The following RCAN2 variants were observed in gnomAD, a reference collection of about 807,000 sequenced individuals.
RCAN2 encodes regulator of calcineurin 2.
A neutral mutation model predicts 23.6 loss-of-function variants in RCAN2; 9 were observed. The observed-to-expected ratio is 0.38, with a 90% CI of 0.23 to 0.67. RCAN2 has a LOEUF of 0.67. Ranked by LOEUF, RCAN2 falls within the 30% of genes least tolerant of loss-of-function variation. RCAN2 has a pLI of 0.51. For synonymous variants in RCAN2, 109 were observed against 115.7 expected, an observed-to-expected ratio of 0.94 and a Z score of 0.37; for missense variants, 273 against 302.3, an observed-to-expected ratio of 0.90 and a Z score of 0.72.
chr6:46,394,223 G>A (rs1033105417), intron 2 of RCAN2, among the ~76,000 whole-genome samples: 1 of 152,184 alleles, frequency 6.6e-6, no homozygotes, highest in African/African-American at 2.4e-5. Flanking sequence ...TCCGTGACAG[G>A]TGGCAGAATT....
intron 2 of RCAN2, among the ~76,000 whole-genome samples, chr6:46,286,412 T>G (rs1762374534): frequency 6.6e-6 from 1 of 152,240 alleles, no homozygotes; most frequent in Admixed American, 6.5e-5. Context: ...CTATTATATA[T>G]CATGCATCTC....
intron 2 of RCAN2, among the ~76,000 whole-genome samples, chr6:46,452,399 G>C (rs1018354029): frequency 6.6e-6 from 1 of 152,168 alleles, no homozygotes; most frequent in Non-Finnish European, 1.5e-5. Flanking sequence ...TTTTCTTGTT[G>C]CATTACATGT....
At chr6:46,382,995 T>A (rs369555838) in intron 2 of RCAN2, among the ~76,000 whole-genome samples, 91 of 152,264 alleles carry the variant, frequency 6.0e-4, no homozygotes, top group African/African-American at 2.1e-3. Context: ...CTAAGTGCTG[T>A]GTGGGCAAAG....
intron 2 of RCAN2, among the ~76,000 whole-genome samples, chr6:46,359,071 T>G (rs1375673187): frequency 6.6e-6 from 1 of 152,224 alleles, no homozygotes; most frequent in African/African-American, 2.4e-5. Context: ...CTTCTGGGCC[T>G]CACCTGTGGA....
chr6:46,441,834 G>A (rs1767554220), intron 2 of RCAN2, among the ~76,000 whole-genome samples: 1 of 152,118 alleles, frequency 6.6e-6, no homozygotes, highest in Non-Finnish European at 1.5e-5. Context: ...AACACCATAA[G>A]CACAAAATTA....
intron 2 of RCAN2, among the ~76,000 whole-genome samples, chr6:46,426,740 C>A (rs1326193453): frequency 6.6e-6 from 1 of 152,096 alleles, no homozygotes; most frequent in Non-Finnish European, 1.5e-5. Context: ...GTAAACAGAT[C>A]AGGTGTTCAA....
chr6:46,422,766 C>G (rs1766919353), intron 2 of RCAN2, among the ~76,000 whole-genome samples: 1 of 152,112 alleles, frequency 6.6e-6, no homozygotes, highest in Admixed American at 6.6e-5. Context: ...TGCAGAAAAC[C>G]AAGTTCAGGC....
At chr6:46,325,691 A>G (rs900880845) in intron 2 of RCAN2, 1 of 1,364,008 alleles carries the variant, frequency 7.3e-7, no homozygotes, top group African/African-American at 1.5e-5. Context: ...CGGCTCGCTC[A>G]TGGCAATGAC....
intron 2 of RCAN2, among the ~76,000 whole-genome samples, chr6:46,366,644 A>C (rs1191949187): frequency 4.6e-5 from 7 of 151,854 alleles, no homozygotes; most frequent in African/African-American, 1.7e-4. Context: ...CTGGCTTCTC[A>C]TCCTCCATCA....
At chr6:46,393,199 T>C (rs1765983379) in intron 2 of RCAN2, among the ~76,000 whole-genome samples, 1 of 152,190 alleles carries the variant, frequency 6.6e-6, no homozygotes, top group Admixed American at 6.5e-5. Context: ...GTTTTAAATG[T>C]TTATGTATTA....
intron 2 of RCAN2, among the ~76,000 whole-genome samples, chr6:46,375,712 C>G (rs749214740): frequency 1.3e-5 from 2 of 152,154 alleles, no homozygotes. Flanking sequence ...CCGTCTCTGT[C>G]GAACGATTCA....
chr6:46,427,433 T>C (rs1290551388), intron 2 of RCAN2, among the ~76,000 whole-genome samples: 3 of 152,204 alleles, frequency 2.0e-5, no homozygotes, highest in African/African-American at 4.8e-5. Context: ...TCCCATTGCA[T>C]AGTTATTAAA....
chr6:46,292,644 C>T (rs549836941), intron 2 of RCAN2, among the ~76,000 whole-genome samples: 27 of 152,050 alleles, frequency 1.8e-4, no homozygotes, highest in African/African-American at 6.5e-4. Context: ...AACATGTTTC[C>T]TTCTTGTCAA....
At chr6:46,350,025 GC>G (rs1412660307) in intron 2 of RCAN2, among the ~76,000 whole-genome samples, 1 of 152,090 alleles carries the variant, frequency 6.6e-6, no homozygotes, top group African/African-American at 2.4e-5. Context: ...CTAACAACCT[GC>G]CTTATTTTTC....
chr6:46,304,517 T>C lies in RCAN2; in HGVS notation c.226-55621A>G, dbSNP rs922024516. ...TTGCTTACTCCAAATCTTGTATCTT[T>C]AAACTCAGGAAGCTCAGAAGCCATT... On this transcript the variant is annotated intron_variant, in intron 2 of 4. Coordinates refer to ENST00000371374, the MANE Select transcript of RCAN2 (RefSeq NM_001251974.2). Among the ~76,000 whole-genome samples, 3 of 152,290 alleles carry C rather than the reference T, an allele frequency of 2.0e-5. No individual in the cohort carries two copies. The South Asian group carries it at 6.2e-4, about 32-fold the overall frequency.
intron 2 of RCAN2, among the ~76,000 whole-genome samples, chr6:46,304,968 T>C (rs1763017732): frequency 6.6e-6 from 1 of 152,120 alleles, no homozygotes; most frequent in Non-Finnish European, 1.5e-5. Flanking sequence ...CTCAAATAAA[T>C]AGAATTATCC....
chr6:46,330,199 G>T (rs1763920931), intron 2 of RCAN2, among the ~76,000 whole-genome samples: 1 of 152,180 alleles, frequency 6.6e-6, no homozygotes, highest in African/African-American at 2.4e-5. Context: ...CACTCTCAGA[G>T]TGTGGTCCCC....
intron 2 of RCAN2, among the ~76,000 whole-genome samples, chr6:46,375,414 T>C (rs1765430164): frequency 6.6e-6 from 1 of 152,192 alleles, no homozygotes; most frequent in South Asian, 2.1e-4. Context: ...CAGACACAGA[T>C]ATGATCATGG....
intron 4 of RCAN2, among the ~76,000 whole-genome samples, chr6:46,231,163 A>G (rs950915983): frequency 6.6e-5 from 10 of 152,230 alleles, no homozygotes; most frequent in African/African-American, 2.4e-4. Flanking sequence ...CTCTACATCA[A>G]TACGACTAGC....
Sources: allele counts gnomAD v4.1 joint callset (sites outside exome capture counted in the v4.1 genomes callset), GRCh38; gene constraint gnomAD v4.1.1; transcripts MANE v1.5; gene names NCBI Gene and HGNC (gene_info 2026-07-23, HGNC 2026-07-21).